Variants in DNAH17 observed in about 807,000 individuals in gnomAD.
DNAH17 encodes the protein dynein axonemal heavy chain 17.
In DNAH17, 376 loss-of-function variants were observed where a neutral mutation model predicts 485.6. That is an observed-to-expected ratio of 0.77 (90% CI 0.71 to 0.84). The LOEUF is 0.84. Ranked by LOEUF, DNAH17 falls within the 40% of genes least tolerant of loss-of-function variation. The pLI is 0.00. For synonymous variants in DNAH17, 3,031 were observed against 2,405.9 expected, an observed-to-expected ratio of 1.26 and a Z score of -7.60; for missense variants, 6,370 against 5,839.3, an observed-to-expected ratio of 1.09 and a Z score of -2.96.
At chr17:78,510,612 G>T in intron 26 of DNAH17, 106 bp from the exon 27 acceptor site, 1 of 1,480,706 alleles carries the variant, frequency 6.8e-7, no homozygotes, top group Non-Finnish European at 9.3e-7. Context: ...CACGATCCCG[G>T]GCTGCTGGAG....
Position 78,435,846 on chromosome 17 carries a change from C to T in DNAH17, c.12034-1626G>A, listed in dbSNP as rs558738409. On this transcript the variant is annotated intron_variant, in intron 74 of 80. Coordinates refer to ENST00000389840, the MANE Select transcript of DNAH17 (RefSeq NM_173628.4). ...TCACACTAGGGTGCTGCTTCCAGAACGTATCCTCGCGCCCCTCAGCAGGGT... is the reference window on the plus strand; with the variant it reads ...TCACACTAGGGTGCTGCTTCCAGAATGTATCCTCGCGCCCCTCAGCAGGGT... 1.5e-3 allele frequency among the ~76,000 whole-genome samples: 225 copies of T among 152,328 alleles called. 1 individual carries two copies. Among genetic ancestry groups the T allele is most frequent in the African/African-American group, 5.0e-3 (207 of 41,578 alleles).
At chr17:78,505,220 C>A in intron 31 of DNAH17, 73 bp downstream of exon 31, 1 of 1,583,474 alleles carries the variant, frequency 6.3e-7, no homozygotes, top group Non-Finnish European at 8.6e-7. Flanking sequence ...ACATCGCCAT[C>A]TGAGGGCGTG....
chr17:78,478,814 C>T (rs1297422426), intron 51 of DNAH17: 1 of 539,780 alleles, frequency 1.9e-6, no homozygotes, highest in African/African-American at 2.0e-5. Context: ...ACCATCATCA[C>T]ATCACCATCA....
intron 54 of DNAH17, among the ~76,000 whole-genome samples, chr17:78,473,286 T>C (rs2088851613): frequency 6.6e-6 from 1 of 152,144 alleles, no homozygotes; most frequent in African/African-American, 2.4e-5. Context: ...GGCTCACGCC[T>C]GTAATCCCAG....
intron 48 of DNAH17, among the ~76,000 whole-genome samples, chr17:78,482,203 CT>C (rs2089381304): frequency 6.6e-6 from 1 of 151,432 alleles, no homozygotes; most frequent in Admixed American, 6.6e-5. Context: ...CAGCCTCACA[CT>C]ACCATGCCCG....
chr17:78,460,058 G>GC, intron 59 of DNAH17, 57 bp from the exon 60 acceptor site: 1 of 1,599,628 alleles, frequency 6.3e-7, no homozygotes, highest in Middle Eastern at 2.1e-4. Flanking sequence ...CCTCGGTGAT[G>GC]CCCCGAAGAA....
chr17:78,550,882 C>A (rs1016737190), intron 16 of DNAH17, among the ~76,000 whole-genome samples: 5 of 152,156 alleles, frequency 3.3e-5, no homozygotes, highest in Non-Finnish European at 7.4e-5. Context: ...ATCAATGAGC[C>A]CTTTCTGAGG....
chr17:78,468,552 C>A, intron 55 of DNAH17, 65 bp downstream of exon 55: 1 of 1,541,222 alleles, frequency 6.5e-7, no homozygotes, highest in South Asian at 1.3e-5. Flanking sequence ...AGCAAAAACC[C>A]ATACCCTGTA....
intron 25 of DNAH17, among the ~76,000 whole-genome samples, chr17:78,516,568 T>C (rs926566155): frequency 1.3e-5 from 2 of 151,890 alleles, no homozygotes; most frequent in Non-Finnish European, 2.9e-5. Flanking sequence ...CAGGTGCCTG[T>C]AATCCCAGCT....
rs1451182754 is a variant in DNAH17 at position 78,445,684 on chromosome 17, G to A, written c.11212-4C>T. On this transcript the variant is annotated splice_polypyrimidine_tract_variant and splice_region_variant and intron_variant, in intron 69 of 80. Transcript: ENST00000389840. ...GCTCCTTCTTCATGGACAGGACCTG[G>A]GGGAACATCGAGGTGTACACACTTA... 1.9e-6 allele frequency: 3 copies of A among 1,590,236 alleles called. No homozygotes were observed. In the South Asian group the frequency reaches 3.4e-5, roughly 18 times the overall value.
chr17:78,472,466 G>A (rs2088806769), intron 54 of DNAH17, among the ~76,000 whole-genome samples: 2 of 152,158 alleles, frequency 1.3e-5, no homozygotes, highest in South Asian at 4.1e-4. Flanking sequence ...CTCATTTGCA[G>A]GAAGCTGGCG....
rs761640964 is a variant in DNAH17, at chr17:78,484,928, T to C, written c.7589A>G (p.Asp2530Gly). ...GTGCGGGGCCACCGTCCCATACTTG[T>C]CCACCTCGGGCATGTTCATGTCGTC... is the stretch of plus-strand genomic sequence containing the variant. Reference protein sequence around the residue: ...FIDDMNMPEVDKYGTVAPHTL... With the variant: ...FIDDMNMPEVGKYGTVAPHTL... The change falls in exon 48 of 81, where the codon GAC becomes GGC. Residue 2530 changes from aspartate to glycine, a missense_variant. Transcript: ENST00000389840. 1 of 1,607,208 alleles carries C rather than the reference T, an allele frequency of 6.2e-7. No homozygotes were observed. The highest frequency in any genetic ancestry group is 8.5e-7 in the Non-Finnish European group (1 of 1,176,572).
Position 78,561,956 on chromosome 17 carries a change from T to C in DNAH17, c.1594A>G (p.Met532Val). The C allele has an allele frequency of 6.2e-7, 1 of 1,610,500 alleles. No individual in the cohort carries two copies. Among genetic ancestry groups the C allele is most frequent in the Non-Finnish European group, 8.5e-7 (1 of 1,178,378 alleles). ...AKLLYMCGGL[M>V]ERPLILAEVA... ...TCGGCAAGAATCAGGGGCCGCTCCA[T>C]GAGGCCCCCACACATGTACAGGAGC... Residue 532 changes from methionine (M) to valine (V), a missense_variant, in exon 12 of 81, where the codon ATG becomes GTG. Met to Val is a conservative substitution (Grantham distance 21). Transcript: ENST00000389840.
rs770053129 is a variant in DNAH17 at position 78,561,931 on chromosome 17, T to G, written c.1619A>C (p.Glu540Ala). The stretch of plus-strand genomic sequence containing the variant: ...CATGACTGAATACCTGGGCGCCACC[T>G]CGGCAAGAATCAGGGGCCGCTCCAT... ...GLMERPLILAEVAPRYSVMLE... is the reference protein window; with the variant it reads ...GLMERPLILAAVAPRYSVMLE... The change falls in exon 12 of 81, where the codon GAG (glutamate) becomes GCG (alanine). Residue 540 changes from glutamate to alanine, a missense_variant. Transcript: ENST00000389840. The G allele has an allele frequency of 6.2e-7, 1 of 1,613,070 alleles. No individual in the cohort carries two copies.
intron 66 of DNAH17, 71 bp from the exon 67 acceptor site, chr17:78,450,917 T>TG (rs1787784275): frequency 6.4e-7 from 1 of 1,567,556 alleles, no homozygotes. Flanking sequence ...CTCCCTCAGG[T>TG]GGCCATGTAG....
Position 78,453,385 on chromosome 17 carries a change from A to G in DNAH17, c.10487T>C (p.Val3496Ala). 1 of 1,613,832 alleles carries G rather than the reference A, an allele frequency of 6.2e-7. No homozygotes were observed. Among genetic ancestry groups the G allele is most frequent in the Middle Eastern group, 1.6e-4 (1 of 6,062 alleles). The stretch of plus-strand genomic sequence containing the variant: ...GTTCCTGCCCAGTAGAGGGTCCAGC[A>G]CGGGGTCCACGGTTTCGCCGATGTT... The part of the protein sequence containing the change: ...IENIGETVDP[V>A]LDPLLGRNTI... Residue 3496 changes from valine to alanine, a missense_variant, in exon 65 of 81, where the codon GTG becomes GCG. Coordinates refer to ENST00000389840, the MANE Select transcript of DNAH17 (RefSeq NM_173628.4).
At chr17:78,480,158 G>A (rs949915616) in intron 49 of DNAH17, among the ~76,000 whole-genome samples, 2 of 151,260 alleles carry the variant, frequency 1.3e-5, no homozygotes, top group East Asian at 3.9e-4. Context: ...AGACCAGCCT[G>A]GCCAATATGG....
chr17:78,544,646 C>CA (rs1252764916), intron 16 of DNAH17, among the ~76,000 whole-genome samples: 13 of 151,914 alleles, frequency 8.6e-5, no homozygotes, highest in African/African-American at 2.9e-4. Flanking sequence ...ACTAAAAATA[C>CA]AAAAAATTAG....
At chr17:78,548,562 G>A (rs530213456) in intron 16 of DNAH17, among the ~76,000 whole-genome samples, 25 of 152,246 alleles carry the variant, frequency 1.6e-4, no homozygotes, top group South Asian at 4.2e-4. Flanking sequence ...AGCTTCAGTC[G>A]GTCTGTGTTT....
Sources: allele counts gnomAD v4.1 joint callset (sites outside exome capture counted in the v4.1 genomes callset), GRCh38; gene constraint gnomAD v4.1.1; transcripts MANE v1.5; gene names NCBI Gene and HGNC (gene_info 2026-07-23, HGNC 2026-07-21).